Variants in DRAM1 observed in about 807,000 individuals in gnomAD.
The protein encoded by DRAM1 is DNA damage regulated autophagy modulator 1.
Under a neutral mutation model 28.5 loss-of-function variants are expected in DRAM1, and 25 were observed. The observed-to-expected ratio is 0.88, with a 90% CI of 0.64 to 1.23. The LOEUF (loss-of-function observed/expected upper bound fraction) is 1.23, where lower values mean the gene tolerates loss of function less well. Ranked by LOEUF, DRAM1 falls within the 50% of genes most tolerant of loss-of-function variation. The pLI, the probability that DRAM1 is intolerant of heterozygous loss-of-function variation, is 0.00. For missense variants in DRAM1, 249 were observed against 299.2 expected, an observed-to-expected ratio of 0.83 and a Z score of 1.24; for synonymous variants, 113 against 114.2, an observed-to-expected ratio of 0.99 and a Z score of 0.07.
At chr12:101,891,553 C>T (rs7955890) in intron 1 of DRAM1, among the ~76,000 whole-genome samples, 22,400 of 152,162 alleles carry the variant, frequency 0.15, 1,807 homozygotes, top group East Asian at 0.24. Flanking sequence ...GTTACACAAA[C>T]GACTTGGAAT....
At chr12:101,891,143 T>C (rs1873112917) in intron 1 of DRAM1, among the ~76,000 whole-genome samples, 1 of 152,218 alleles carries the variant, frequency 6.6e-6, no homozygotes, top group South Asian at 2.1e-4. Context: ...AGTATGACTT[T>C]TTATTCCGTA....
At chr12:101,920,999 A>C (rs2121183379) in intron 6 of DRAM1, among the ~76,000 whole-genome samples, 2 of 152,358 alleles carry the variant, frequency 1.3e-5, no homozygotes, top group Admixed American at 1.3e-4. Flanking sequence ...GGACTATATC[A>C]GATTTGTCCA....
intron 3 of DRAM1, among the ~76,000 whole-genome samples, chr12:101,904,082 G>A (rs552735623): frequency 3.9e-4 from 60 of 152,198 alleles, no homozygotes; most frequent in African/African-American, 1.4e-3. Context: ...CGCCTCTCAG[G>A]TTCAAGCAAT....
In DRAM1 at chr12:101,921,325, C is replaced by A; in HGVS notation, c.*65C>A. The stretch of plus-strand genomic sequence containing the variant: ...CCATTTCTAAAAGTGCTACAGAGGA[C>A]AGACAGGGTTTTGAGGCCACCCTGA... On this transcript the variant is annotated 3_prime_UTR_variant, in exon 7 of 7. Transcript: ENST00000258534. 2 of 1,409,834 alleles carry A rather than the reference C, an allele frequency of 1.4e-6. No individual in the cohort carries two copies. The highest frequency in any genetic ancestry group is 2.3e-5 in the East Asian group (1 of 43,852). The allele number at this position is 1,409,834 out of a possible 1,614,324, so 87.3% of individuals were successfully genotyped here. A position where few individuals can be genotyped will look rare whatever the true frequency, so the allele number is the denominator to read the frequency against.
chr12:101,880,741 T>C (rs7312044), intron 1 of DRAM1, among the ~76,000 whole-genome samples: 45,372 of 152,082 alleles, frequency 0.3, 7,909 homozygotes, highest in African/African-American at 0.48. Flanking sequence ...AATATCACTC[T>C]AAGGTGAACT....
At chr12:101,878,955 G>C (rs770635017) in intron 1 of DRAM1, among the ~76,000 whole-genome samples, 43 of 151,858 alleles carry the variant, frequency 2.8e-4, no homozygotes, top group Admixed American at 6.6e-4. Flanking sequence ...TGGAGAAAGG[G>C]GAAACAAAGA....
At chr12:101,901,229 C>G in intron 2 of DRAM1, 62 bp from the exon 3 acceptor site, 2 of 1,555,508 alleles carry the variant, frequency 1.3e-6, no homozygotes, top group Non-Finnish European at 1.7e-6. Flanking sequence ...CAAAGCTGCT[C>G]CTGTTTTTCA....
intron 1 of DRAM1, 111 bp from the exon 2 acceptor site, chr12:101,897,752 G>A (rs1873440152): frequency 5.4e-6 from 4 of 743,088 alleles, no homozygotes; most frequent in African/African-American, 3.7e-5. Flanking sequence ...GGAATTCAAA[G>A]TGGCTGAACA....
intron 6 of DRAM1, among the ~76,000 whole-genome samples, chr12:101,920,843 G>A (rs1203569977): frequency 3.3e-5 from 5 of 152,046 alleles, no homozygotes; most frequent in Non-Finnish European, 7.4e-5. Context: ...CCCGGGAGGC[G>A]GAGGTTGTCG....
intron 1 of DRAM1, among the ~76,000 whole-genome samples, chr12:101,895,566 A>ATTTTTGGT (rs61325494): frequency 0.3 from 30,951 of 101,852 alleles, 5,547 homozygotes; most frequent in East Asian, 0.52. Context: ...AAGGGAGGCT[A>ATTTTTGGT]TTTTTTTTTT....
intron 1 of DRAM1, among the ~76,000 whole-genome samples, chr12:101,881,024 C>T (rs1403167237): frequency 1.3e-5 from 2 of 152,126 alleles, no homozygotes; most frequent in African/African-American, 4.8e-5. Flanking sequence ...ACTGGATTGC[C>T]CCTGCCCGCT....
chr12:101,911,398 C>T (rs183605551), intron 4 of DRAM1, among the ~76,000 whole-genome samples: 38 of 152,290 alleles, frequency 2.5e-4, no homozygotes, highest in South Asian at 4.1e-4. Context: ...TGTCTTGCAC[C>T]GGGCTTCTAA....
rs917803848 is a variant in DRAM1 at position 101,921,705 on chromosome 12, A to T, written c.*445A>T. The T allele has an allele frequency of 6.5e-6, 1 of 153,432 alleles. No homozygotes were observed. The highest frequency in any genetic ancestry group is 2.4e-5 in the African/African-American group (1 of 41,414). The allele number at this position is 153,432 out of a possible 1,614,324, so 9.5% of individuals were successfully genotyped here. On this transcript the variant is annotated 3_prime_UTR_variant, in exon 7 of 7. Transcript: ENST00000258534. The stretch of plus-strand genomic sequence containing the variant: ...TTATTCTTAGTGAATGAACTGTATA[A>T]TTTTTTTTATCAGGAGAGCACTTAT...
chr12:101,912,431 A>G (rs1874074045), intron 4 of DRAM1, among the ~76,000 whole-genome samples: 1 of 152,126 alleles, frequency 6.6e-6, no homozygotes, highest in African/African-American at 2.4e-5. Flanking sequence ...GGTCCAACAA[A>G]GTTGTGATAT....
At position 101,908,329 on chromosome 12, in the gene DRAM1, C is replaced by A. The variant is rs770803171; in HGVS notation, c.486C>A (p.Val162=). 1 of 1,612,914 alleles carries A rather than the reference C, an allele frequency of 6.2e-7. No homozygotes were observed. Among genetic ancestry groups the A allele is most frequent in the South Asian group, 1.1e-5 (1 of 90,784 alleles). The change falls in exon 4 of 7, where the codon GTC becomes GTA. Residue 162 remains valine, a synonymous_variant. Coordinates refer to ENST00000258534, the MANE Select transcript of DRAM1 (RefSeq NM_018370.3). ...TCTCGACATGCCACATACGGATGGT[C>A]ATCTCTGCCGTTTCTTGCGCAGCTG... is the stretch of plus-strand genomic sequence containing the variant. The part of the protein sequence containing the change: ...NSLSTCHIRM[V]ISAVSCAAVI...
intron 6 of DRAM1, among the ~76,000 whole-genome samples, chr12:101,920,623 A>G (rs1326552843): frequency 6.6e-6 from 1 of 152,196 alleles, no homozygotes; most frequent in Non-Finnish European, 1.5e-5. Context: ...TTTTAAAAAT[A>G]AAAGTATGCC....
intron 4 of DRAM1, among the ~76,000 whole-genome samples, chr12:101,908,593 G>A (rs892188552): frequency 3.9e-5 from 6 of 152,182 alleles, no homozygotes; most frequent in Admixed American, 2.6e-4. Context: ...AGGATGAGGG[G>A]GAATTCTGGC....
chr12:101,908,069 C>T lies in DRAM1; in HGVS notation c.343-117C>T, dbSNP rs904508629. On this transcript the variant is annotated intron_variant, in intron 3 of 6. Coordinates refer to ENST00000258534, the MANE Select transcript of DRAM1 (RefSeq NM_018370.3). ...TTGGTAGTCAAACAGCCACATTTTC[C>T]AAGAAGTGGTGCATCTGTGATGACC... is the stretch of plus-strand genomic sequence containing the variant. The T allele has an allele frequency of 1.1e-5, 9 of 834,088 alleles. No individual in the cohort carries two copies. The African/African-American group carries it at 1.2e-4, about 11-fold the overall frequency. 51.7% of individuals were successfully genotyped at this position (834,088 alleles called of 1,614,324 possible).
intron 4 of DRAM1, among the ~76,000 whole-genome samples, chr12:101,909,401 A>G (rs898813865): frequency 2.0e-5 from 3 of 152,186 alleles, no homozygotes; most frequent in Non-Finnish European, 4.4e-5. Context: ...TCCTTCTCAC[A>G]GGGCCAGTTT....
Sources: allele counts gnomAD v4.1 joint callset (sites outside exome capture counted in the v4.1 genomes callset), GRCh38; gene constraint gnomAD v4.1.1; transcripts MANE v1.5; gene names NCBI Gene and HGNC (gene_info 2026-07-23, HGNC 2026-07-21).